PID1: variants seen among roughly 807,000 people sequenced by gnomAD.
PID1 encodes PTB-containing, cubilin and LRP1-interacting protein.
Under a neutral mutation model 19.1 loss-of-function variants are expected in PID1, and 10 were observed. The observed-to-expected ratio is 0.52, with a 90% CI of 0.32 to 0.89. The LOEUF (loss-of-function observed/expected upper bound fraction) is 0.89, where lower values mean the gene tolerates loss of function less well. Among genes scored for constraint, PID1 ranks in the 40% least tolerant of loss-of-function variants. The pLI, the probability that PID1 is intolerant of heterozygous loss-of-function variation, is 0.03. For missense variants in PID1, 248 were observed against 285.3 expected (o/e 0.87, Z 0.94); for synonymous variants, 130 against 116.0 (o/e 1.12, Z -0.78).
rs751757150 is a variant in PID1, at chr2:229,163,675, G to GTGTGTGTGCGCA, written c.31-7712_31-7711insTGCGCACACACA. Among the ~76,000 whole-genome samples the GTGTGTGTGCGCA allele has an allele frequency of 1.5e-4, 3 of 20,104 alleles. No individual in the cohort carries two copies. In the Admixed American group the frequency reaches 2.8e-3, roughly 19 times the overall value. The allele number at this position is 20,104 out of a possible 152,430, so 13.2% of individuals were successfully genotyped here. On this transcript the variant is annotated intron_variant, in intron 1 of 2. Transcript: ENST00000392055. ...AGTGTGTGTGTGTGTGTGTGTGTGTGCGTGTGCGTGTGTGTGTGTGTATAC... is the reference window on the plus strand; with the variant it reads ...AGTGTGTGTGTGTGTGTGTGTGTGTGTGTGTGTGCGCACGTGTGCGTGTGTGTGTGTGTATAC...
At chr2:229,073,740 G>T (rs1694504120) in intron 2 of PID1, among the ~76,000 whole-genome samples, 1 of 152,304 alleles carries the variant, frequency 6.6e-6, no homozygotes, top group African/African-American at 2.4e-5. Flanking sequence ...AATACAACTT[G>T]CTCCAAGTTG....
intron 2 of PID1, among the ~76,000 whole-genome samples, chr2:229,097,704 T>G (rs1463573290): frequency 6.6e-6 from 1 of 152,162 alleles, no homozygotes; most frequent in Admixed American, 6.6e-5. Context: ...TTAATCACTA[T>G]TTCTCTTGTA....
intron 2 of PID1, among the ~76,000 whole-genome samples, chr2:229,116,408 C>G (rs1019374609): frequency 6.6e-6 from 1 of 152,070 alleles, no homozygotes; most frequent in African/African-American, 2.4e-5. Flanking sequence ...CGGCAGCATC[C>G]ACACATATCT....
intron 1 of PID1, among the ~76,000 whole-genome samples, chr2:229,226,438 TA>T (rs1692078993): frequency 6.6e-6 from 1 of 152,330 alleles, no homozygotes; most frequent in Non-Finnish European, 1.5e-5. Context: ...AACTGGAAGA[TA>T]AATTGACTTG....
At chr2:229,238,898 C>G (rs1007263031) in intron 1 of PID1, among the ~76,000 whole-genome samples, 10 of 152,044 alleles carry the variant, frequency 6.6e-5, no homozygotes, top group Non-Finnish European at 1.5e-4. Context: ...AGTAACACAG[C>G]AATAGCATTA....
At chr2:229,239,414 T>C (rs1221139974) in intron 1 of PID1, among the ~76,000 whole-genome samples, 1 of 152,092 alleles carries the variant, frequency 6.6e-6, no homozygotes, top group East Asian at 1.9e-4. Context: ...AATGCCCACC[T>C]TGCCCTTTAC....
At chr2:229,097,412 G>A (rs141977674) in intron 2 of PID1, among the ~76,000 whole-genome samples, 41 of 152,260 alleles carry the variant, frequency 2.7e-4, no homozygotes, top group Non-Finnish European at 2.9e-5. Context: ...TGCTAATATA[G>A]CTGAATCGGA....
intron 1 of PID1, among the ~76,000 whole-genome samples, chr2:229,231,319 A>G (rs995523289): frequency 4.6e-5 from 7 of 152,126 alleles, no homozygotes; most frequent in African/African-American, 1.2e-4. Context: ...CCTTTAGTCT[A>G]TGGGGGATTC....
At chr2:229,160,586 A>G (rs1344791388) in intron 1 of PID1, among the ~76,000 whole-genome samples, 1 of 152,080 alleles carries the variant, frequency 6.6e-6, no homozygotes, top group Non-Finnish European at 1.5e-5. Flanking sequence ...GAAATAAAAC[A>G]TTAGTCTCTG....
At chr2:229,251,239 A>G (rs1285878792) in intron 1 of PID1, among the ~76,000 whole-genome samples, 3 of 151,576 alleles carry the variant, frequency 2.0e-5, no homozygotes, top group Non-Finnish European at 4.4e-5. Context: ...AGCACACAAG[A>G]TTTGAAAAGT....
chr2:229,064,194 T>C (rs1317390582), intron 2 of PID1, among the ~76,000 whole-genome samples: 3 of 152,144 alleles, frequency 2.0e-5, no homozygotes, highest in South Asian at 2.1e-4. Context: ...ATTGGGGAGA[T>C]TGGAGGCAGC....
intron 1 of PID1, among the ~76,000 whole-genome samples, chr2:229,201,252 C>G (rs62191686): frequency 6.6e-6 from 1 of 151,944 alleles, no homozygotes; most frequent in Non-Finnish European, 1.5e-5. Flanking sequence ...CAAACTGAAA[C>G]GCTATGCTTA....
At chr2:229,229,660 T>C (rs895280501) in intron 1 of PID1, among the ~76,000 whole-genome samples, 1 of 152,184 alleles carries the variant, frequency 6.6e-6, no homozygotes, top group Non-Finnish European at 1.5e-5. Context: ...AAAGCAATGT[T>C]AATAGTGATT....
intron 2 of PID1, among the ~76,000 whole-genome samples, chr2:229,141,642 T>TGG (rs61080735): frequency 2.0e-5 from 3 of 151,522 alleles, no homozygotes; most frequent in African/African-American, 7.3e-5. Context: ...TCAATCAATG[T>TGG]GGGGGGGGAA....
chr2:229,225,901 C>A (rs1231387120), intron 1 of PID1, among the ~76,000 whole-genome samples: 1 of 152,216 alleles, frequency 6.6e-6, no homozygotes, highest in Non-Finnish European at 1.5e-5. Context: ...TTATCTCCCA[C>A]TGGGTCCATC....
At chr2:229,167,118 T>G (rs1314984611) in intron 1 of PID1, among the ~76,000 whole-genome samples, 1 of 152,006 alleles carries the variant, frequency 6.6e-6, no homozygotes, top group Non-Finnish European at 1.5e-5. Context: ...AGTAAAGTTA[T>G]ACTTTTATAA....
At chr2:229,231,809 C>A in intron 1 of PID1, 1 of 1,484,638 alleles carries the variant, frequency 6.7e-7, no homozygotes, top group Non-Finnish European at 9.0e-7. Context: ...GGCATTTTAC[C>A]AAACCTACTT....
At chr2:229,231,975 G>T in intron 1 of PID1, 1 of 1,550,484 alleles carries the variant, frequency 6.4e-7, no homozygotes, top group Non-Finnish European at 8.7e-7. Context: ...TTGTTTGATT[G>T]TCTTGTGAGA....
rs148867926 is a variant in PID1, at chr2:229,235,298, G to A, written c.30+35716C>T. ...CAAAACCACAGCTACTCTACTCAGA[G>A]CCTGAGGCAGAGCAGAGGAGCTGCC... On this transcript the variant is annotated intron_variant, in intron 1 of 2. Transcript: ENST00000392055. 2.8e-3 allele frequency among the ~76,000 whole-genome samples: 422 copies of A among 152,284 alleles called. 3 individuals carry two copies. The highest frequency in any genetic ancestry group is 9.4e-3 in the African/African-American group (392 of 41,562).
Sources: gnomAD v4.1 joint callset for allele counts (sites outside exome capture counted in the v4.1 genomes callset) on GRCh38, gnomAD v4.1.1 for gene constraint, MANE v1.5 for transcripts, NCBI Gene and HGNC (gene_info 2026-07-23, HGNC 2026-07-21) for gene names.